The following ZNF100 variants were observed in gnomAD, a reference collection of about 807,000 sequenced individuals.
The protein encoded by ZNF100 is zinc finger protein 100 (Y1).
Under a neutral mutation model 15.8 loss-of-function variants are expected in ZNF100, and 12 were observed. The observed-to-expected ratio is 0.76, with a 90% confidence interval of 0.49 to 1.23. The LOEUF is 1.23. Among genes scored for constraint, ZNF100 ranks in the 50% most tolerant of loss-of-function variants. The probability of loss-of-function intolerance (pLI) is 0.00; values close to 1 mark genes in which losing one functional copy is unlikely to be tolerated. For missense variants in ZNF100, 670 were observed against 635.6 expected (o/e 1.05, Z -0.58); for synonymous variants, 226 against 214.8 (o/e 1.05, Z -0.45).
At chr19:21,748,215 G>A (rs2036244460) in intron 2 of ZNF100, among the ~76,000 whole-genome samples, 1 of 152,064 alleles carries the variant, frequency 6.6e-6, no homozygotes, top group African/African-American at 2.4e-5. Flanking sequence ...TCTGCTTTTG[G>A]GTTGCAGGAA....
chr19:21,758,261 C>G (rs948440538), intron 2 of ZNF100, among the ~76,000 whole-genome samples: 1 of 151,972 alleles, frequency 6.6e-6, no homozygotes, highest in Non-Finnish European at 1.5e-5. Context: ...GGAACAGTCA[C>G]GGGGCCTAGC....
intron 4 of ZNF100, among the ~76,000 whole-genome samples, chr19:21,731,715 A>G (rs1406570563): frequency 6.6e-6 from 1 of 152,194 alleles, no homozygotes; most frequent in Non-Finnish European, 1.5e-5. Flanking sequence ...AACTCTAAAA[A>G]TAAAGCTTGA....
intron 4 of ZNF100, among the ~76,000 whole-genome samples, chr19:21,740,629 C>T (rs61182414): frequency 0.094 from 14,271 of 152,056 alleles, 901 homozygotes; most frequent in South Asian, 0.18. Context: ...CTGAGGTGGG[C>T]GGATCACCTG....
At chr19:21,751,231 G>A (rs962666474) in intron 2 of ZNF100, 38 of 1,268,816 alleles carry the variant, frequency 3.0e-5, no homozygotes, top group Non-Finnish European at 3.7e-5. Flanking sequence ...ATTTCTAGGT[G>A]ACAGAACAGT....
At position 21,723,824 on chromosome 19, in the gene ZNF100, T is replaced by C. The variant is rs923330395; in HGVS notation, c.*2859A>G. ...CTTCCCTAGTACTTACCTGAACAAA[T>C]TGACTCAATAAATAAATTTACTTAT... On this transcript the variant is annotated 3_prime_UTR_variant, in exon 5 of 5. Coordinates refer to ENST00000358296, the MANE Select transcript of ZNF100 (RefSeq NM_173531.4). 8 of 152,154 alleles carry C rather than the reference T, an allele frequency of 5.3e-5. No individual in the cohort carries two copies. Among genetic ancestry groups the C allele is most frequent in the African/African-American group, 1.9e-4 (8 of 41,436 alleles). The allele number at this position is 152,154 out of a possible 1,614,324, so 9.4% of individuals were successfully genotyped here.
intron 1 of ZNF100, among the ~76,000 whole-genome samples, chr19:21,767,083 A>C (rs2036576127): frequency 6.6e-6 from 1 of 152,178 alleles, no homozygotes; most frequent in Non-Finnish European, 1.5e-5. Flanking sequence ...CGGACCAAAG[A>C]TCTTCCCATT....
intron 1 of ZNF100, among the ~76,000 whole-genome samples, chr19:21,766,778 G>C (rs1449276214): frequency 6.6e-6 from 1 of 152,048 alleles, no homozygotes; most frequent in East Asian, 1.9e-4. Context: ...CGGATCACGA[G>C]GTCAGGAGTT....
chr19:21,762,442 T>C (rs2036497070), intron 2 of ZNF100, among the ~76,000 whole-genome samples: 1 of 152,180 alleles, frequency 6.6e-6, no homozygotes, highest in Non-Finnish European at 1.5e-5. Context: ...CTACTCCTTG[T>C]GTAGAAATGC....
intron 4 of ZNF100, among the ~76,000 whole-genome samples, chr19:21,730,079 T>C (rs2035885476): frequency 1.3e-5 from 2 of 151,862 alleles, no homozygotes; most frequent in Middle Eastern, 3.4e-3. Flanking sequence ...AATAAAACAA[T>C]TAATAAAATA....
rs112138139 is a variant in ZNF100 at position 21,726,630 on chromosome 19, T to C, written c.*53A>G. ...TCACAGGAGTTCCCTCCAGTATGAA[T>C]TTTTTTATGTTTAGTAAGAGTTGAG... On this transcript the variant is annotated 3_prime_UTR_variant, in exon 5 of 5. Transcript: ENST00000358296. 740 of 1,501,394 alleles carry C rather than the reference T, an allele frequency of 4.9e-4. 3 individuals carry two copies. The African/African-American group carries it at 8.8e-3, about 18-fold the overall frequency. 93.0% of individuals were successfully genotyped at this position (1,501,394 alleles called of 1,614,324 possible).
chr19:21,727,764 G>C lies in ZNF100; in HGVS notation c.548C>G (p.Ala183Gly). The change falls in exon 5 of 5, where the codon GCA becomes GGA. Residue 183 changes from alanine to glycine, a missense_variant. By Grantham distance (60) the Ala-to-Gly change is moderately conservative (BLOSUM62 0). Coordinates refer to ENST00000358296, the MANE Select transcript of ZNF100 (RefSeq NM_173531.4). ...ATTTGAAAATGTATGAAAGACTTTT[G>C]CAGATGGATCACATTGAAATATGTT... ...QSNIFQCDPS[A>G]KVFHTFSNSN... is the part of the protein sequence containing the mutation. 1 of 1,613,804 alleles carries C rather than the reference G, an allele frequency of 6.2e-7. No homozygotes were observed.
intron 2 of ZNF100, 134 bp from the exon 3 acceptor site, chr19:21,745,201 A>C: frequency 2.9e-6 from 4 of 1,356,348 alleles, no homozygotes; most frequent in Non-Finnish European, 3.9e-6. Flanking sequence ...ATTTTCCAAT[A>C]ATTTTTAACA....
In ZNF100 at chr19:21,726,797, T is replaced by C. The variant is rs775617898; in HGVS notation, c.1515A>G (p.Ile505Met). Residue 505 changes from isoleucine to methionine, a missense_variant, in exon 5 of 5, where the codon ATA becomes ATG. By Grantham distance (10) the Ile-to-Met change is conservative (BLOSUM62 1). Transcript: ENST00000358296. ...TGTAAGATTTCTCTCCAGTATGAGT[T>C]ATCTTATGTTTAGTAAGGGTTGAGG... ...NRSSTLTKHK[I>M]THTGEKSYKW... 1 of 1,613,806 alleles carries C rather than the reference T, an allele frequency of 6.2e-7. No homozygotes were observed. Among genetic ancestry groups the C allele is most frequent in the South Asian group, 1.1e-5 (1 of 91,070 alleles).
intron 1 of ZNF100, among the ~76,000 whole-genome samples, chr19:21,766,470 G>C (rs1159409032): frequency 6.7e-6 from 1 of 149,570 alleles, no homozygotes; most frequent in Non-Finnish European, 1.5e-5. Context: ...ACTACATTCA[G>C]AGAAAATGTA....
rs1439941393 is a variant in ZNF100, at chr19:21,725,685, T to G, written c.*998A>C. The G allele has an allele frequency of 1.3e-5, 2 of 152,060 alleles. No homozygotes were observed. The highest frequency in any genetic ancestry group is 2.9e-5 in the Non-Finnish European group (2 of 67,970). 9.4% of individuals were successfully genotyped at this position (152,060 alleles called of 1,614,324 possible). On this transcript the variant is annotated 3_prime_UTR_variant, in exon 5 of 5. Transcript: ENST00000358296. ...TTACTCACTTTTCAAAAAATCTAAT[T>G]TTTTCAAAAAGTTAAGCATACTTTG...
At position 21,726,687 on chromosome 19, in the gene ZNF100, A is replaced by T; in HGVS notation, c.1625T>A (p.Met542Lys). ...NNSYWRETLQ[M>K] ...TAAAAGGCTTTGCCACATTTTTCAC[A>T]TTTGTAGGGTTTCTCTCCAGTATGA... is the stretch of plus-strand genomic sequence containing the variant. Residue 542 changes from methionine (M) to lysine (K), a missense_variant, in exon 5 of 5, where the codon ATG (methionine) becomes AAG (lysine). By Grantham distance (95) the Met-to-Lys change is moderately conservative. Coordinates refer to ENST00000358296, the MANE Select transcript of ZNF100 (RefSeq NM_173531.4). The T allele has an allele frequency of 6.2e-7, 1 of 1,604,076 alleles. No individual in the cohort carries two copies. The highest frequency in any genetic ancestry group is 1.7e-4 in the Middle Eastern group (1 of 5,980).
At chr19:21,736,742 A>C (rs1026876006) in intron 4 of ZNF100, among the ~76,000 whole-genome samples, 1 of 152,198 alleles carries the variant, frequency 6.6e-6, no homozygotes, top group Admixed American at 6.5e-5. Context: ...TAAGAATCTC[A>C]CTCAAAACCA....
In ZNF100 at chr19:21,726,614, T is replaced by C; in HGVS notation, c.*69A>G. 7.4e-7 allele frequency: 1 copy of C among 1,357,376 alleles called. No homozygotes were observed. Among genetic ancestry groups the C allele is most frequent in the Non-Finnish European group, 1.0e-6 (1 of 987,078 alleles). 84.1% of individuals were successfully genotyped at this position (1,357,376 alleles called of 1,614,324 possible). On this transcript the variant is annotated 3_prime_UTR_variant, in exon 5 of 5. Coordinates refer to ENST00000358296, the MANE Select transcript of ZNF100 (RefSeq NM_173531.4). ...GCCATATTCTTCACAGTCACAGGAG[T>C]TCCCTCCAGTATGAATTTTTTTATG...
chr19:21,733,405 T>A lies in ZNF100; in HGVS notation c.323-5416A>T, dbSNP rs539401102. On this transcript the variant is annotated intron_variant, in intron 4 of 4. Transcript: ENST00000358296. Reference sequence around the variant, plus strand: ...TTTAACTTTAAGATGTTTTATGTAATCTGTTTTTCAATATGGTTACATTAT... The same window carrying A: ...TTTAACTTTAAGATGTTTTATGTAAACTGTTTTTCAATATGGTTACATTAT... 7.2e-5 allele frequency among the ~76,000 whole-genome samples: 11 copies of A among 152,052 alleles called. No homozygotes were observed. The East Asian group carries it at 2.1e-3, about 29-fold the overall frequency.
Sources: gnomAD v4.1 joint callset for allele counts (sites outside exome capture counted in the v4.1 genomes callset) on GRCh38, gnomAD v4.1.1 for gene constraint, MANE v1.5 for transcripts, NCBI Gene and HGNC (gene_info 2026-07-23, HGNC 2026-07-21) for gene names.